ZSWIM6: variants seen among roughly 807,000 people sequenced by gnomAD.
ZSWIM6 encodes zinc finger SWIM-type containing 6, also known as zinc finger SWIM domain-containing protein 6.
ZSWIM6 carries 9 observed loss-of-function variants against 113.2 expected under a neutral mutation model. That is an observed-to-expected ratio of 0.08 (90% confidence interval 0.05 to 0.14). The LOEUF (loss-of-function observed/expected upper bound fraction) is 0.14. Ranked by LOEUF, ZSWIM6 falls within the 10% of genes least tolerant of loss-of-function variation. ZSWIM6 has a pLI of 1.00. For synonymous variants in ZSWIM6, 611 were observed against 606.5 expected (o/e 1.01, Z -0.11); for missense variants, 1,162 against 1,552.2 (o/e 0.75, Z 4.22).
chr5:61,531,780 T>C lies in ZSWIM6; in HGVS notation c.2245+55T>C, dbSNP rs957954634. ...TTAGCCAATTTGACTTAGGTGCTAA[T>C]CTTTCTTATGTTAAAAGTGCTATCT... On this transcript the variant is annotated intron_variant, in intron 9 of 13. Transcript: ENST00000252744. The C allele has an allele frequency of 3.9e-6, 6 of 1,528,996 alleles. No homozygotes were observed. The African/African-American group carries it at 8.3e-5, about 21-fold the overall frequency. The allele number at this position is 1,528,996 out of a possible 1,614,324, so 94.7% of individuals were successfully genotyped here. A position where few individuals can be genotyped will look rare whatever the true frequency, so the allele number is the denominator to read the frequency against.
chr5:61,478,683 G>T (rs1747770347), intron 2 of ZSWIM6, among the ~76,000 whole-genome samples: 1 of 146,986 alleles, frequency 6.8e-6, no homozygotes, highest in Admixed American at 6.8e-5. Context: ...CCATCTTTAT[G>T]TGTGAGTGTG....
intron 4 of ZSWIM6, among the ~76,000 whole-genome samples, chr5:61,505,704 CTCCCTTCCTTCCTTCCTTCCTTCCCTCT>C (rs1239295196): frequency 7.8e-6 from 1 of 128,218 alleles, no homozygotes. Context: ...CCCTTCCTTC[CTCCCTTCCTTCCTTCCTTCCTTCCCTCT>C]CTCTCTCTCT....
chr5:61,416,651 C>G (rs966285820), intron 1 of ZSWIM6, among the ~76,000 whole-genome samples: 2 of 152,210 alleles, frequency 1.3e-5, no homozygotes, highest in African/African-American at 2.4e-5. Context: ...TTAGCTCTGC[C>G]CCTTCCTTTG....
chr5:61,377,281 T>G (rs1745391429), intron 1 of ZSWIM6, among the ~76,000 whole-genome samples: 1 of 152,026 alleles, frequency 6.6e-6, no homozygotes, highest in Admixed American at 6.6e-5. Context: ...GAATGAAATT[T>G]AAATGGATCA....
intron 1 of ZSWIM6, among the ~76,000 whole-genome samples, chr5:61,466,327 G>T (rs1351884888): frequency 6.6e-6 from 1 of 151,932 alleles, no homozygotes; most frequent in Non-Finnish European, 1.5e-5. Flanking sequence ...TATCATGGGA[G>T]CATTAACACT....
intron 1 of ZSWIM6, chr5:61,375,699 A>G: frequency 6.5e-7 from 1 of 1,548,012 alleles, no homozygotes; most frequent in Non-Finnish European, 8.7e-7. Context: ...AGTCCTTGTC[A>G]GAATCAGAGT....
intron 1 of ZSWIM6, among the ~76,000 whole-genome samples, chr5:61,387,803 C>T (rs111800497): frequency 0.14 from 21,332 of 151,042 alleles, 1,617 homozygotes; most frequent in Non-Finnish European, 0.17. Context: ...CCCAGCTACT[C>T]GGGAGGTTGA....
chr5:61,401,397 A>G (rs946642395), intron 1 of ZSWIM6, among the ~76,000 whole-genome samples: 2 of 152,234 alleles, frequency 1.3e-5, no homozygotes, highest in African/African-American at 4.8e-5. Context: ...TTAAAAAGCA[A>G]TTCATAAAGA....
At chr5:61,333,682 G>A (rs1579935117) in intron 1 of ZSWIM6, among the ~76,000 whole-genome samples, 1 of 152,140 alleles carries the variant, frequency 6.6e-6, no homozygotes, top group Non-Finnish European at 1.5e-5. Flanking sequence ...TCTCCGGAGG[G>A]ACATCTCGCC....
chr5:61,394,723 CT>C (rs1336805368), intron 1 of ZSWIM6, among the ~76,000 whole-genome samples: 1 of 152,132 alleles, frequency 6.6e-6, no homozygotes, highest in Non-Finnish European at 1.5e-5. Flanking sequence ...GTTAGGAGGG[CT>C]TACAGGTGGT....
chr5:61,536,183 T>C (rs995166930), intron 10 of ZSWIM6, among the ~76,000 whole-genome samples: 1 of 152,250 alleles, frequency 6.6e-6, no homozygotes, highest in African/African-American at 2.4e-5. Context: ...TTCTGACTGC[T>C]TCCATCTCCT....
chr5:61,539,849 TGCA>T, intron 12 of ZSWIM6, 90 bp downstream of exon 12: 1 of 1,245,470 alleles, frequency 8.0e-7, no homozygotes, highest in Non-Finnish European at 1.1e-6. Flanking sequence ...GATTTTTGAG[TGCA>T]GGTAAATGAC....
At chr5:61,437,230 A>G (rs1193570573) in intron 1 of ZSWIM6, among the ~76,000 whole-genome samples, 1 of 152,214 alleles carries the variant, frequency 6.6e-6, no homozygotes, top group Non-Finnish European at 1.5e-5. Flanking sequence ...TTCTGGGAAT[A>G]GTGGAACCTA....
chr5:61,398,717 C>T (rs1484600467), intron 1 of ZSWIM6, among the ~76,000 whole-genome samples: 6 of 152,028 alleles, frequency 3.9e-5, no homozygotes, highest in African/African-American at 1.4e-4. Context: ...AGGTTCATTA[C>T]AATTTTGATT....
At chr5:61,490,521 A>T (rs1308692432) in intron 2 of ZSWIM6, among the ~76,000 whole-genome samples, 1 of 152,116 alleles carries the variant, frequency 6.6e-6, no homozygotes, top group African/African-American at 2.4e-5. Flanking sequence ...TTTTTAGAGA[A>T]CCTATAAACT....
chr5:61,411,819 G>A (rs1746153021), intron 1 of ZSWIM6, among the ~76,000 whole-genome samples: 1 of 152,140 alleles, frequency 6.6e-6, no homozygotes, highest in African/African-American at 2.4e-5. Flanking sequence ...CTCTACATCC[G>A]TGACCTACTT....
At chr5:61,333,310 G>T (rs1744308468) in intron 1 of ZSWIM6, among the ~76,000 whole-genome samples, 1 of 151,414 alleles carries the variant, frequency 6.6e-6, no homozygotes, top group African/African-American at 2.4e-5. Context: ...CGGACGGCCG[G>T]CCTCCGGCGA....
chr5:61,441,686 C>G (rs1746837479), intron 1 of ZSWIM6, among the ~76,000 whole-genome samples: 2 of 152,070 alleles, frequency 1.3e-5, no homozygotes. Flanking sequence ...ACTGCCCAGG[C>G]TTATTCCTGT....
chr5:61,490,093 C>T (rs995268900), intron 2 of ZSWIM6, among the ~76,000 whole-genome samples: 2 of 151,992 alleles, frequency 1.3e-5, no homozygotes, highest in African/African-American at 4.8e-5. Context: ...ATGAAACAAT[C>T]TTTACCTCCC....
Sources: gnomAD v4.1 joint callset for allele counts (sites outside exome capture counted in the v4.1 genomes callset) on GRCh38, gnomAD v4.1.1 for gene constraint, MANE v1.5 for transcripts, NCBI Gene and HGNC (gene_info 2026-07-23, HGNC 2026-07-21) for gene names.